Variants in PNPLA7 observed in about 807,000 individuals in gnomAD.
PNPLA7 encodes patatin-like phospholipase domain-containing protein 7.
A neutral mutation model predicts 161.7 loss-of-function variants in PNPLA7; 153 were observed. The observed-to-expected ratio is 0.95, with a 90% CI of 0.83 to 1.08. The LOEUF (loss-of-function observed/expected upper bound fraction) is 1.08. Ranked by LOEUF, PNPLA7 falls within the 50% of genes least tolerant of loss-of-function variation. The probability of loss-of-function intolerance (pLI) is 0.00; values close to 1 mark genes in which losing one functional copy is unlikely to be tolerated. For synonymous variants in PNPLA7, 809 were observed against 782.1 expected, an observed-to-expected ratio of 1.03 and a Z score of -0.57; for missense variants, 1,739 against 1,856.6, an observed-to-expected ratio of 0.94 and a Z score of 1.16.
At chr9:137,463,057 T>G (rs1831295495) in intron 29 of PNPLA7, 3 of 643,660 alleles carry the variant, frequency 4.7e-6, no homozygotes, top group Non-Finnish European at 7.8e-6. Context: ...GTGACAGGAG[T>G]GGCCTGGCCT....
rs1436339952 is a variant in PNPLA7 at position 137,534,903 on chromosome 9, C to T, written c.747+5739G>A. ...AACACCAGGACCAAGTCCCTCGAACCGCGCGTTCTAACAGGCAACCACTAA... is the reference window on the plus strand; with the variant it reads ...AACACCAGGACCAAGTCCCTCGAACTGCGCGTTCTAACAGGCAACCACTAA... On this transcript the variant is annotated intron_variant, in intron 8 of 34. Coordinates refer to ENST00000406427, the MANE Select transcript of PNPLA7 (RefSeq NM_001098537.3). 5.0e-5 allele frequency among the ~76,000 whole-genome samples: 7 copies of T among 140,958 alleles called. No individual in the cohort carries two copies. In the East Asian group the frequency reaches 9.6e-4, roughly 19 times the overall value. 92.5% of individuals were successfully genotyped at this position (140,958 alleles called of 152,430 possible).
At position 137,476,863 on chromosome 9, in the gene PNPLA7, T is replaced by C. The variant is rs909498499; in HGVS notation, c.2882+1171A>G. 1.1e-4 allele frequency among the ~76,000 whole-genome samples: 16 copies of C among 152,164 alleles called. No homozygotes were observed. Among genetic ancestry groups the C allele is most frequent in the African/African-American group, 3.6e-4 (15 of 41,446 alleles). ...AACTTCCGCAGCTTTCAAGAGAAAATGTGGCACAAGACAAGGTGGAAAGTC... is the reference window on the plus strand; with the variant it reads ...AACTTCCGCAGCTTTCAAGAGAAAACGTGGCACAAGACAAGGTGGAAAGTC... On this transcript the variant is annotated intron_variant, in intron 25 of 34. Transcript: ENST00000406427. This position sits in a 1 kb window ranked among gnomAD's most constrained non-coding sequence, Gnocchi z 4.5.
At position 137,467,769 on chromosome 9, in the gene PNPLA7, G is replaced by A. The variant is rs546306671; in HGVS notation, c.2883-296C>T. Among the ~76,000 whole-genome samples the A allele has an allele frequency of 5.3e-5, 8 of 152,186 alleles. No individual in the cohort carries two copies. In the South Asian group the frequency reaches 6.2e-4, roughly 12 times the overall value. ...TAAAATTAGCCAGGCGTGGTGGTGC[G>A]CGCCTGTAATCCCAGCTACTCGGGA... On this transcript the variant is annotated intron_variant, in intron 25 of 34. Transcript: ENST00000406427. This position sits in a 1 kb window ranked among gnomAD's most constrained non-coding sequence, Gnocchi z 5.1.
chr9:137,485,716 A>C (rs554092236), intron 20 of PNPLA7, among the ~76,000 whole-genome samples: 1 of 152,320 alleles, frequency 6.6e-6, no homozygotes, highest in South Asian at 2.1e-4. Context: ...CGGAGACGCG[A>C]GTGAGGGTGT....
rs563338494 is a variant in PNPLA7 at position 137,460,235 on chromosome 9, AAAG to A, written c.*155_*157del. On this transcript the variant is annotated 3_prime_UTR_variant, in exon 35 of 35. Transcript: ENST00000406427. ...GCCCTGTATGCAGGGCTGCTGGTAC[AAAG>A]AAGAGGCCCAGAGAACCCTAACACA... The A allele has an allele frequency of 3.1e-6, 2 of 648,724 alleles. No homozygotes were observed. Among genetic ancestry groups the A allele is most frequent in the Non-Finnish European group, 5.2e-6 (2 of 381,088 alleles). 40.2% of individuals were successfully genotyped at this position (648,724 alleles called of 1,614,324 possible).
At position 137,520,180 on chromosome 9, in the gene PNPLA7, G is replaced by A. The variant is rs1022332067; in HGVS notation, c.958-137C>T. The A allele has an allele frequency of 9.4e-6, 12 of 1,282,000 alleles. No homozygotes were observed. In the Admixed American group the frequency reaches 2.6e-4, roughly 28 times the overall value. 79.4% of individuals were successfully genotyped at this position (1,282,000 alleles called of 1,614,324 possible). On this transcript the variant is annotated intron_variant, in intron 10 of 34. Transcript: ENST00000406427. The surrounding 1 kb of genome is among the most constrained non-coding windows in gnomAD (Gnocchi z 5.2). ...TGTGGGCCCCTCAAAGGTGTGACAG[G>A]TGTGGGACTCTCAAAGGTGTGACAG...
rs1210023711 is a variant in PNPLA7, at chr9:137,505,537, C to A, written c.1473+77G>T. 3 of 1,552,606 alleles carry A rather than the reference C, an allele frequency of 1.9e-6. No homozygotes were observed. The African/African-American group carries it at 4.1e-5, about 21-fold the overall frequency. On this transcript the variant is annotated intron_variant, in intron 14 of 34. Coordinates refer to ENST00000406427, the MANE Select transcript of PNPLA7 (RefSeq NM_001098537.3). Reference sequence around the variant, plus strand: ...AGCCACTGTCCTCCACACCTGGAACCACTGCCCAACAGAGGCAGAGAGGAG... The same window carrying A: ...AGCCACTGTCCTCCACACCTGGAACAACTGCCCAACAGAGGCAGAGAGGAG...
chr9:137,548,807 T>C (rs1339934016), intron 1 of PNPLA7, among the ~76,000 whole-genome samples: 2 of 152,138 alleles, frequency 1.3e-5, no homozygotes, highest in East Asian at 3.9e-4. Context: ...AAAGACACAA[T>C]TCTGCACCAA....
chr9:137,525,484 G>T (rs1376528282), intron 8 of PNPLA7, among the ~76,000 whole-genome samples: 1 of 152,204 alleles, frequency 6.6e-6, no homozygotes, highest in African/African-American at 2.4e-5. Context: ...GTAAGGTCAC[G>T]TGAGTCACGT....
intron 20 of PNPLA7, among the ~76,000 whole-genome samples, chr9:137,491,131 C>T (rs1417550049): frequency 6.6e-6 from 1 of 152,134 alleles, no homozygotes; most frequent in Non-Finnish European, 1.5e-5. Flanking sequence ...CAGAGGCTCA[C>T]AGCTGTAGTC....
At position 137,550,313 on chromosome 9, in the gene PNPLA7, G is replaced by T; in HGVS notation, c.-116C>A. The T allele has an allele frequency of 9.0e-7, 1 of 1,116,888 alleles. No homozygotes were observed. Among genetic ancestry groups the T allele is most frequent in the Non-Finnish European group, 1.4e-6 (1 of 737,840 alleles). 69.2% of individuals were successfully genotyped at this position (1,116,888 alleles called of 1,614,324 possible). The stretch of plus-strand genomic sequence containing the variant: ...ACACTTTTCCCTGGGTTCCTTTCAA[G>T]TCAAATTATGTTTCACTGAAAGGAA... On this transcript the variant is annotated 5_prime_UTR_variant, in exon 1 of 35. Transcript: ENST00000406427.
intron 14 of PNPLA7, among the ~76,000 whole-genome samples, chr9:137,504,151 G>T (rs1833780769): frequency 6.8e-6 from 1 of 146,040 alleles, no homozygotes; most frequent in Non-Finnish European, 1.5e-5. Flanking sequence ...AAGAAAGGAA[G>T]AAGAAGAGAA....
At chr9:137,489,753 G>A (rs1275576409) in intron 20 of PNPLA7, among the ~76,000 whole-genome samples, 1 of 152,174 alleles carries the variant, frequency 6.6e-6, no homozygotes, top group Non-Finnish European at 1.5e-5. Flanking sequence ...GAATCGAGAT[G>A]ACAAAAAGCC....
At chr9:137,464,249 G>A (rs1381920451) in intron 27 of PNPLA7, 54 bp from the exon 28 acceptor site, 1 of 1,610,430 alleles carries the variant, frequency 6.2e-7, no homozygotes, top group African/African-American at 1.3e-5. Context: ...CCTGTCCTGT[G>A]TCTGGGGAGG....
rs1438117021 is a variant in PNPLA7, at chr9:137,500,483, C to T, written c.1757+208G>A. On this transcript the variant is annotated intron_variant, in intron 16 of 34. Coordinates refer to ENST00000406427, the MANE Select transcript of PNPLA7 (RefSeq NM_001098537.3). This position sits in a 1 kb window ranked among gnomAD's most constrained non-coding sequence, Gnocchi z 5.5. Reference sequence around the variant, plus strand: ...AGACCACAGAGACGGCCGTGCGAAGCTGATCGCTGCGGGCAGGTGGGGTCG... The same window carrying T: ...AGACCACAGAGACGGCCGTGCGAAGTTGATCGCTGCGGGCAGGTGGGGTCG... Among the ~76,000 whole-genome samples the T allele has an allele frequency of 6.6e-6, 1 of 152,134 alleles. No homozygotes were observed. The highest frequency in any genetic ancestry group is 1.5e-5 in the Non-Finnish European group (1 of 68,032).
Position 137,520,551 on chromosome 9 carries a change from A to G in PNPLA7, c.958-508T>C, listed in dbSNP as rs1400912035. On this transcript the variant is annotated intron_variant, in intron 10 of 34. Coordinates refer to ENST00000406427, the MANE Select transcript of PNPLA7 (RefSeq NM_001098537.3). The surrounding 1 kb of genome is among the most constrained non-coding windows in gnomAD (Gnocchi z 5.2). Reference sequence around the variant, plus strand: ...GATTTCCAACTGAAATGCACATACTAAAGACTAATGCGTGCTGGGCCTTTA... The same window carrying G: ...GATTTCCAACTGAAATGCACATACTGAAGACTAATGCGTGCTGGGCCTTTA... Among the ~76,000 whole-genome samples, 1 of 152,238 alleles carries G rather than the reference A, an allele frequency of 6.6e-6. No homozygotes were observed. The highest frequency in any genetic ancestry group is 2.4e-5 in the African/African-American group (1 of 41,458).
At chr9:137,503,901 GGAAGAAGA>G (rs1833719913) in intron 14 of PNPLA7, among the ~76,000 whole-genome samples, 1 of 92,424 alleles carries the variant, frequency 1.1e-5, no homozygotes, top group African/African-American at 4.1e-5. Flanking sequence ...AGAAGAAGAA[GGAAGAAGA>G]AAGAAGAAGG....
At chr9:137,461,247 T>C (rs1042550152) in intron 33 of PNPLA7, 1 of 398,866 alleles carries the variant, frequency 2.5e-6, no homozygotes, top group Non-Finnish European at 4.6e-6. Flanking sequence ...TCCCACTGGG[T>C]GGGGTGGGAG....
At position 137,543,889 on chromosome 9, in the gene PNPLA7, G is replaced by A; in HGVS notation, c.274-74C>T. Reference sequence around the variant, plus strand: ...TCCAAGCTCTTTGCCATGGGGATCAGTCCTCAGGACCTGCCTGTGGGCCTC... The same window carrying A: ...TCCAAGCTCTTTGCCATGGGGATCAATCCTCAGGACCTGCCTGTGGGCCTC... On this transcript the variant is annotated intron_variant, in intron 4 of 34. Transcript: ENST00000406427. The surrounding 1 kb of genome is among the most constrained non-coding windows in gnomAD (Gnocchi z 6.9). The A allele has an allele frequency of 7.6e-7, 1 of 1,322,526 alleles. No individual in the cohort carries two copies. The highest frequency in any genetic ancestry group is 1.2e-5 in the South Asian group (1 of 84,196). The allele number at this position is 1,322,526 out of a possible 1,614,324, so 81.9% of individuals were successfully genotyped here. A position where few individuals can be genotyped will look rare whatever the true frequency, so the allele number is the denominator to read the frequency against.
Sources: gnomAD v4.1 joint callset for allele counts (sites outside exome capture counted in the v4.1 genomes callset) on GRCh38, gnomAD v4.1.1 for gene constraint, Gnocchi (gnomAD v3.1) non-coding constraint, MANE v1.5 for transcripts, NCBI Gene and HGNC (gene_info 2026-07-23, HGNC 2026-07-21) for gene names.